The following CASR variants were observed in gnomAD, a reference collection of about 807,000 sequenced individuals.
CASR encodes extracellular calcium-sensing receptor.
CASR carries 23 observed loss-of-function variants against 69.1 expected under a neutral mutation model. That is an observed-to-expected ratio of 0.33 (90% confidence interval 0.24 to 0.47). The LOEUF (loss-of-function observed/expected upper bound fraction) is 0.47, where lower values mean the gene tolerates loss of function less well. Ranked by LOEUF, CASR falls within the 20% of genes least tolerant of loss-of-function variation. The pLI is 1.00. For synonymous variants in CASR, 541 were observed against 544.7 expected (o/e 0.99, Z 0.10); for missense variants, 924 against 1,356.1 (o/e 0.68, Z 5.00).
intron 1 of CASR, among the ~76,000 whole-genome samples, chr3:122,210,703 A>G (rs1314503172): frequency 2.0e-5 from 3 of 152,066 alleles, no homozygotes; most frequent in Non-Finnish European, 2.9e-5. Flanking sequence ...CCATTAAACT[A>G]TTGACATTCT....
intron 1 of CASR, among the ~76,000 whole-genome samples, chr3:122,202,029 G>C (rs2073959351): frequency 6.6e-6 from 1 of 152,248 alleles, no homozygotes; most frequent in Non-Finnish European, 1.5e-5. Flanking sequence ...CAGCCGGGCA[G>C]AGGCTGCAAT....
intron 2 of CASR, 117 bp from the exon 3 acceptor site, chr3:122,256,964 C>A: frequency 1.2e-6 from 1 of 857,092 alleles, no homozygotes; most frequent in South Asian, 1.4e-5. Context: ...ACAGAGCATG[C>A]CATGAAGCCA....
At chr3:122,188,284 A>T (rs773950566) in intron 1 of CASR, among the ~76,000 whole-genome samples, 3 of 152,214 alleles carry the variant, frequency 2.0e-5, no homozygotes, top group African/African-American at 7.2e-5. Flanking sequence ...TGCTTGAGAT[A>T]TCGTCAAAGT....
chr3:122,187,328 G>A (rs1376128353), intron 1 of CASR, among the ~76,000 whole-genome samples: 2 of 151,798 alleles, frequency 1.3e-5, no homozygotes, highest in Admixed American at 1.3e-4. Context: ...TAGCTCTTTA[G>A]TAAAGAAAAA....
intron 5 of CASR, among the ~76,000 whole-genome samples, chr3:122,280,697 GT>G (rs1288337702): frequency 6.6e-6 from 1 of 151,826 alleles, no homozygotes; most frequent in Non-Finnish European, 1.5e-5. Context: ...TTCTGTTCAA[GT>G]TTTTTTTAAC....
intron 1 of CASR, among the ~76,000 whole-genome samples, chr3:122,201,019 T>TTTTTTA (rs1323155788): frequency 1.4e-5 from 2 of 139,278 alleles, no homozygotes; most frequent in African/African-American, 5.3e-5. Context: ...TTTTTTTTTT[T>TTTTTTA]ATTGATCATT....
At chr3:122,233,693 G>A (rs1347272412) in intron 1 of CASR, among the ~76,000 whole-genome samples, 1 of 152,182 alleles carries the variant, frequency 6.6e-6, no homozygotes, top group Non-Finnish European at 1.5e-5. Context: ...TACTTGGGCG[G>A]TTGTGGTATT....
At chr3:122,252,050 T>C (rs2074488912) in intron 1 of CASR, among the ~76,000 whole-genome samples, 1 of 152,060 alleles carries the variant, frequency 6.6e-6, no homozygotes, top group African/African-American at 2.4e-5. Flanking sequence ...CCCTAGCATT[T>C]TGAGAGGCCA....
In CASR at chr3:122,284,505, T is replaced by A. The variant is rs200777304; in HGVS notation, c.2551T>A (p.Cys851Ser). 36 of 1,613,250 alleles carry A rather than the reference T, an allele frequency of 2.2e-5. No individual in the cohort carries two copies. Among genetic ancestry groups the A allele is most frequent in the Non-Finnish European group, 3.0e-5 (35 of 1,180,000 alleles). Residue 851 changes from cysteine (C) to serine (S), a missense_variant, in exon 7 of 7, where the codon TGC becomes AGC. Physicochemically the swap from Cys to Ser is moderately radical, Grantham distance 112. Coordinates refer to ENST00000639785, the MANE Select transcript of CASR (RefSeq NM_000388.4). ...GGCAGCCAGCTTTGGCTTGCTGGCGTGCATCTTCTTCAACAAGATCTACAT... is the reference window on the plus strand; with the variant it reads ...GGCAGCCAGCTTTGGCTTGCTGGCGAGCATCTTCTTCAACAAGATCTACAT... Reference protein sequence around the residue: ...ILAASFGLLACIFFNKIYIIL... With the variant: ...ILAASFGLLASIFFNKIYIIL...
intron 1 of CASR, among the ~76,000 whole-genome samples, chr3:122,237,255 G>T (rs985430220): frequency 6.6e-6 from 1 of 151,862 alleles, no homozygotes; most frequent in African/African-American, 2.4e-5. Flanking sequence ...GATTACAGGA[G>T]TGCACCACCA....
At chr3:122,215,972 T>C (rs1367392367) in intron 1 of CASR, among the ~76,000 whole-genome samples, 1 of 152,210 alleles carries the variant, frequency 6.6e-6, no homozygotes, top group Non-Finnish European at 1.5e-5. Flanking sequence ...GTTAGGTCCT[T>C]ACCCTCACAG....
intron 1 of CASR, among the ~76,000 whole-genome samples, chr3:122,229,008 A>G (rs2107606922): frequency 6.6e-6 from 1 of 152,282 alleles, no homozygotes; most frequent in Middle Eastern, 3.4e-3. Flanking sequence ...CTTATTATAA[A>G]TGATCTGATG....
chr3:122,276,583 A>C (rs1469412808), intron 5 of CASR, among the ~76,000 whole-genome samples: 1 of 152,198 alleles, frequency 6.6e-6, no homozygotes, highest in Non-Finnish European at 1.5e-5. Context: ...ATTGAAAGAC[A>C]CTGGAGCCCA....
intron 1 of CASR, among the ~76,000 whole-genome samples, chr3:122,214,644 T>C (rs1002658814): frequency 6.6e-6 from 1 of 152,196 alleles, no homozygotes; most frequent in Admixed American, 6.5e-5. Context: ...TCAATTGTCA[T>C]TCATTTTGTA....
intron 4 of CASR, among the ~76,000 whole-genome samples, chr3:122,268,107 C>T (rs2074714686): frequency 6.6e-6 from 1 of 152,178 alleles, no homozygotes; most frequent in Non-Finnish European, 1.5e-5. Context: ...ACCTAATTGC[C>T]TTATGACCTT....
chr3:122,241,797 C>A (rs900808892), intron 1 of CASR, among the ~76,000 whole-genome samples: 1 of 151,996 alleles, frequency 6.6e-6, no homozygotes, highest in Admixed American at 6.6e-5. Context: ...ACTGACAAAC[C>A]AAATTCAACA....
chr3:122,266,286 A>G (rs993632562), intron 4 of CASR, among the ~76,000 whole-genome samples: 2 of 151,880 alleles, frequency 1.3e-5, no homozygotes, highest in African/African-American at 4.8e-5. Flanking sequence ...GGCATAAAAG[A>G]GTATGTTAGC....
intron 1 of CASR, among the ~76,000 whole-genome samples, chr3:122,248,208 A>G (rs1420766707): frequency 2.0e-5 from 3 of 152,220 alleles, no homozygotes; most frequent in Non-Finnish European, 4.4e-5. Context: ...GAAGTCTGAT[A>G]TAGAACTAGG....
chr3:122,287,174 A>G lies in CASR; in HGVS notation c.*1983A>G, dbSNP rs1235361325. On this transcript the variant is annotated 3_prime_UTR_variant, in exon 7 of 7. Coordinates refer to ENST00000639785, the MANE Select transcript of CASR (RefSeq NM_000388.4). ...AAAATGTGATGGTTTCAAAATAACT[A>G]TGAGGGAACAGCCTCAACAGAATGT... is the stretch of plus-strand genomic sequence containing the variant. The G allele has an allele frequency of 6.6e-6, 1 of 152,266 alleles. No homozygotes were observed. 9.4% of individuals were successfully genotyped at this position (152,266 alleles called of 1,614,324 possible).
Sources: allele counts gnomAD v4.1 joint callset (sites outside exome capture counted in the v4.1 genomes callset), GRCh38; gene constraint gnomAD v4.1.1; transcripts MANE v1.5; gene names NCBI Gene and HGNC (gene_info 2026-07-23, HGNC 2026-07-21).